Variants in EIF2S3 observed in about 807,000 individuals in gnomAD.
The protein encoded by EIF2S3 is eukaryotic translation initiation factor 2 subunit 3.
In EIF2S3, 2 loss-of-function variants were observed where a neutral mutation model predicts 31.7. That is an observed-to-expected ratio of 0.06 (90% CI 0.03 to 0.20). The LOEUF (loss-of-function observed/expected upper bound fraction) is 0.20. Ranked by LOEUF, EIF2S3 falls within the 10% of genes least tolerant of loss-of-function variation. The pLI, the probability that EIF2S3 is intolerant of heterozygous loss-of-function variation, is 1.00. For missense variants in EIF2S3, 96 were observed against 359.3 expected (o/e 0.27, Z 5.92); for synonymous variants, 120 against 126.7 (o/e 0.95, Z 0.36).
intron 7 of EIF2S3, 87 bp downstream of exon 7, chrX:24,064,422 C>G: frequency 9.6e-7 from 1 of 1,037,263 alleles, no homozygotes; most frequent in South Asian, 2.9e-5. Context: ...AATATTTCCT[C>G]TTTCTGCAGA....
intron 8 of EIF2S3, 108 bp downstream of exon 8, chrX:24,066,200 G>GA (rs1401073465): frequency 1.5e-5 from 8 of 528,046 alleles, no homozygotes; most frequent in Non-Finnish European, 2.3e-5. Context: ...AATCCAAATT[G>GA]AAAAATAAAA....
intron 10 of EIF2S3, among the ~76,000 whole-genome samples, chrX:24,072,284 T>C (rs1381717954): frequency 9.1e-6 from 1 of 110,043 alleles, no homozygotes; most frequent in Non-Finnish European, 1.9e-5. Flanking sequence ...ATCCATATTT[T>C]TGTTTTGTTG....
intron 8 of EIF2S3, among the ~76,000 whole-genome samples, chrX:24,067,354 C>G (rs1457476941): frequency 9.0e-6 from 1 of 111,243 alleles, no homozygotes; most frequent in African/African-American, 3.3e-5. Flanking sequence ...TCTTTGTTTT[C>G]TGTTATGTCT....
intron 9 of EIF2S3, among the ~76,000 whole-genome samples, chrX:24,069,816 G>A (rs1213610066): frequency 2.0e-5 from 2 of 102,383 alleles, no homozygotes; most frequent in Non-Finnish European, 3.9e-5. Context: ...TCAGCCTCCC[G>A]AGTAGCTGGA....
At chrX:24,066,761 G>T (rs770628252) in intron 8 of EIF2S3, among the ~76,000 whole-genome samples, 1 of 111,491 alleles carries the variant, frequency 9.0e-6, no homozygotes, top group African/African-American at 3.3e-5. Context: ...TGATCCACCC[G>T]CCTCGGCCTC....
chrX:24,069,690 T>TG, intron 9 of EIF2S3, among the ~76,000 whole-genome samples: 1 of 91,086 alleles, frequency 1.1e-5, no homozygotes, highest in Admixed American at 1.2e-4. Flanking sequence ...TAATTTCTTT[T>TG]TTTTTTTTTT....
chrX:24,067,392 T>G (rs1930593620), intron 8 of EIF2S3, among the ~76,000 whole-genome samples: 1 of 111,159 alleles, frequency 9.0e-6, no homozygotes, highest in South Asian at 3.8e-4. Flanking sequence ...TGAAAATTTA[T>G]AGACTTGTAA....
In EIF2S3 at chrX:24,061,626, C is replaced by T. The variant is rs542368075; in HGVS notation, c.479-790C>T. On this transcript the variant is annotated intron_variant, in intron 5 of 11. Transcript: ENST00000253039. The stretch of plus-strand genomic sequence containing the variant: ...GTATAGTCAGGACACTTGAATATCA[C>T]GACTTGAGGAGGTTGATCATTAGAG... Among the ~76,000 whole-genome samples, 21 of 110,445 alleles carry T rather than the reference C, an allele frequency of 1.9e-4. No individual in the cohort carries two copies. The South Asian group carries it at 7.3e-3, about 38-fold the overall frequency.
At chrX:24,075,701 T>G (rs1930743736) in intron 11 of EIF2S3, among the ~76,000 whole-genome samples, 1 of 111,196 alleles carries the variant, frequency 9.0e-6, no homozygotes. Context: ...CCCATAATTA[T>G]TCACATCACC....
At position 24,074,871 on chromosome X, in the gene EIF2S3, T is replaced by C. The variant is rs1434813596; in HGVS notation, c.1355+1608T>C. On this transcript the variant is annotated intron_variant, in intron 11 of 11. Transcript: ENST00000253039. The stretch of plus-strand genomic sequence containing the variant: ...ATTTTTTTTTCTTCTTCTTTTTTTT[T>C]TTTTTTTTTTTTGAGATGGAGTCTT... Among the ~76,000 whole-genome samples, 242 of 77,820 alleles carry C rather than the reference T, an allele frequency of 3.1e-3. 3 individuals are homozygous for C. Among genetic ancestry groups the C allele is most frequent in the African/African-American group, 0.011 (237 of 20,898 alleles). 67.6% of individuals were successfully genotyped at this position (77,820 alleles called of 115,157 possible).
chrX:24,062,549 C>T lies in EIF2S3; in HGVS notation c.612C>T (p.Tyr204=), dbSNP rs780546367. Residue 204 remains tyrosine, a synonymous_variant, in exon 6 of 12, where the codon TAC becomes TAT. Coordinates refer to ENST00000253039, the MANE Select transcript of EIF2S3 (RefSeq NM_001415.4). ...AAGAAAGTCAGGCTAAAGAACAATACGAGCAGATCCTTGCATTTGTCCAAG... is the reference window on the plus strand; with the variant it reads ...AAGAAAGTCAGGCTAAAGAACAATATGAGCAGATCCTTGCATTTGTCCAAG... ...LVKESQAKEQ[Y]EQILAFVQGT... is the part of the protein sequence containing the mutation. 23 of 1,207,446 alleles carry T rather than the reference C, an allele frequency of 1.9e-5. No individual in the cohort carries two copies. In the South Asian group the frequency reaches 2.7e-4, roughly 14 times the overall value.
intron 5 of EIF2S3, among the ~76,000 whole-genome samples, chrX:24,060,630 A>G (rs771762949): frequency 9.0e-6 from 1 of 110,893 alleles, no homozygotes; most frequent in South Asian, 3.7e-4. Context: ...TTTGTTTCTT[A>G]TGTTAGCTGT....
intron 9 of EIF2S3, among the ~76,000 whole-genome samples, chrX:24,070,745 G>C (rs1421814766): frequency 9.0e-6 from 1 of 111,363 alleles, no homozygotes; most frequent in Non-Finnish European, 1.9e-5. Context: ...CCCATATGTA[G>C]TCTTTAACTA....
Position 24,078,530 on chromosome X carries a change from G to T in EIF2S3, c.*1745G>T, listed in dbSNP as rs969060745. Reference sequence around the variant, plus strand: ...CCCAGTGTTGAGAAACAAATTTAGAGAGTTGAGAAGTAGGTATATTAAATT... The same window carrying T: ...CCCAGTGTTGAGAAACAAATTTAGATAGTTGAGAAGTAGGTATATTAAATT... On this transcript the variant is annotated 3_prime_UTR_variant, in exon 12 of 12. Transcript: ENST00000253039. Among the ~76,000 whole-genome samples the T allele has an allele frequency of 3.6e-5, 4 of 111,782 alleles. No individual in the cohort carries two copies. The highest frequency in any genetic ancestry group is 1.3e-4 in the African/African-American group (4 of 30,813).
At chrX:24,065,878 A>G in intron 7 of EIF2S3, 120 bp from the exon 8 acceptor site, 1 of 560,995 alleles carries the variant, frequency 1.8e-6, no homozygotes, top group Non-Finnish European at 2.8e-6. Flanking sequence ...GATTTTGTTA[A>G]AAAGGCACCC....
intron 11 of EIF2S3, 119 bp downstream of exon 11, chrX:24,073,382 T>A: frequency 1.1e-6 from 1 of 948,999 alleles, no homozygotes; most frequent in African/African-American, 2.0e-5. Flanking sequence ...CTCAACTATT[T>A]ATTTGGATGA....
Position 24,074,846 on chromosome X carries a change from A to AT in EIF2S3, c.1355+1592dup, listed in dbSNP as rs1257127886. Among the ~76,000 whole-genome samples the AT allele has an allele frequency of 2.0e-3, 76 of 37,623 alleles. No individual in the cohort carries two copies. The East Asian group carries it at 0.029, about 15-fold the overall frequency. 32.7% of individuals were successfully genotyped at this position (37,623 alleles called of 115,157 possible). A position where few individuals can be genotyped will look rare whatever the true frequency, so the allele number is the denominator to read the frequency against. Reference sequence around the variant, plus strand: ...TGTGTCCTTTTGACATGTACTCATCATTTTTTTTTCTTCTTCTTTTTTTTT... The same window carrying AT: ...TGTGTCCTTTTGACATGTACTCATCATTTTTTTTTTCTTCTTCTTTTTTTTT... On this transcript the variant is annotated intron_variant, in intron 11 of 11. Coordinates refer to ENST00000253039, the MANE Select transcript of EIF2S3 (RefSeq NM_001415.4).
chrX:24,071,272 C>A (rs1418810149), intron 9 of EIF2S3, among the ~76,000 whole-genome samples: 1 of 108,227 alleles, frequency 9.2e-6, no homozygotes, highest in Non-Finnish European at 1.9e-5. Flanking sequence ...CTCACTACAA[C>A]CTCTGCCTCC....
Position 24,072,963 on chromosome X carries a change from A to G in EIF2S3, c.1183-128A>G, listed in dbSNP as rs768251526. 385 of 763,263 alleles carry G rather than the reference A, an allele frequency of 5.0e-4. No individual in the cohort carries two copies. In the African/African-American group the frequency reaches 5.6e-3, roughly 11 times the overall value. The allele number at this position is 763,263 out of a possible 1,213,427, so 62.9% of individuals were successfully genotyped here. On this transcript the variant is annotated intron_variant, in intron 10 of 11. Coordinates refer to ENST00000253039, the MANE Select transcript of EIF2S3 (RefSeq NM_001415.4). ...CTATATATAGTTCAAATTCCTTTAC[A>G]ATGAAATTTCTATAGAATTTTTTTT...
Sources: allele counts gnomAD v4.1 joint callset (sites outside exome capture counted in the v4.1 genomes callset), GRCh38; gene constraint gnomAD v4.1.1; transcripts MANE v1.5; gene names NCBI Gene and HGNC (gene_info 2026-07-23, HGNC 2026-07-21).